LPO: variants seen among roughly 807,000 people sequenced by gnomAD.
The protein encoded by LPO is salivary peroxidase.
LPO carries 70 observed loss-of-function variants against 68.4 expected under a neutral mutation model. The observed-to-expected ratio is 1.02, with a 90% CI of 0.84 to 1.25. LPO has a LOEUF of 1.25. LPO is among the 50% of genes most tolerant of loss of function. The pLI, the probability that LPO is intolerant of heterozygous loss-of-function variation, is 0.00. For synonymous variants in LPO, 360 were observed against 357.6 expected (o/e 1.01, Z -0.08); for missense variants, 873 against 908.4 (o/e 0.96, Z 0.50).
chr17:58,255,141 T>C (rs1194931575), intron 9 of LPO, among the ~76,000 whole-genome samples, 170 bp downstream of exon 9: 2 of 152,172 alleles, frequency 1.3e-5, no homozygotes, highest in African/African-American at 4.8e-5. Flanking sequence ...ATCCCCTTCC[T>C]TTCATTTCTT....
chr17:58,261,974 T>C (rs145127837), intron 9 of LPO, among the ~76,000 whole-genome samples: 1 of 152,352 alleles, frequency 6.6e-6, no homozygotes, highest in East Asian at 1.9e-4. Context: ...TGAAATATAA[T>C]TGTCTGAAGC....
rs760259764 is a variant in LPO at position 58,254,977 on chromosome 17, G to A, written c.1266+6G>A. 3 of 1,613,236 alleles carry A rather than the reference G, an allele frequency of 1.9e-6. No homozygotes were observed. Among genetic ancestry groups the A allele is most frequent in the Non-Finnish European group, 2.5e-6 (3 of 1,179,508 alleles). Reference sequence around the variant, plus strand: ...TCCTGGGAGCCTTCGTGCAGGTAGGGAGTCCCAGGAGCACTGTCACCTGGT... The same window carrying A: ...TCCTGGGAGCCTTCGTGCAGGTAGGAAGTCCCAGGAGCACTGTCACCTGGT... On this transcript the variant is annotated splice_donor_region_variant and intron_variant, in intron 9 of 12. Coordinates refer to ENST00000262290, the MANE Select transcript of LPO (RefSeq NM_006151.3).
chr17:58,244,101 ACACAC>A lies in LPO; in HGVS notation c.164+21_164+25del. The A allele has an allele frequency of 2.5e-6, 3 of 1,220,290 alleles. No individual in the cohort carries two copies. The highest frequency in any genetic ancestry group is 3.5e-6 in the Non-Finnish European group (3 of 858,232). 75.6% of individuals were successfully genotyped at this position (1,220,290 alleles called of 1,614,324 possible). On this transcript the variant is annotated intron_variant, in intron 3 of 12. Coordinates refer to ENST00000262290, the MANE Select transcript of LPO (RefSeq NM_006151.3). Reference sequence around the variant, plus strand: ...AACCAGGTACGTGAGACACACACACACACACACACACACACACACACACACACACA... The same window carrying A: ...AACCAGGTACGTGAGACACACACACAACACACACACACACACACACACACA...
At chr17:58,250,739 C>A in intron 7 of LPO, 118 bp downstream of exon 7, 1 of 1,037,382 alleles carries the variant, frequency 9.6e-7, no homozygotes, top group South Asian at 1.5e-5. Flanking sequence ...TTGGTAGTTT[C>A]CCATGCCTCA....
chr17:58,255,060 C>T, intron 9 of LPO, 89 bp downstream of exon 9: 1 of 1,398,996 alleles, frequency 7.1e-7, no homozygotes, highest in Non-Finnish European at 9.8e-7. Flanking sequence ...CTCAGGCTCT[C>T]TCCTCTGTTC....
rs2143943872 is a variant in LPO at position 58,264,788 on chromosome 17, T to C, written c.1333T>C (p.Tyr445His). 1.2e-6 allele frequency: 2 copies of C among 1,614,220 alleles called. No homozygotes were observed. Among genetic ancestry groups the C allele is most frequent in the East Asian group, 2.2e-5 (1 of 44,886 alleles). ...CCACATGCAGAAGTGGATACCCCCA[T>C]ATCAAGGCTACAGTGAATCTGTGGA... The part of the protein sequence containing the change: ...GDHMQKWIPP[Y>H]QGYSESVDPR... Residue 445 changes from tyrosine to histidine, a missense_variant, in exon 10 of 13, where the codon TAT becomes CAT. By Grantham distance (83) the Tyr-to-His change is moderately conservative. Coordinates refer to ENST00000262290, the MANE Select transcript of LPO (RefSeq NM_006151.3).
At position 58,255,072 on chromosome 17, in the gene LPO, C is replaced by T. The variant is rs1292462007; in HGVS notation, c.1266+101C>T. The T allele has an allele frequency of 9.6e-6, 12 of 1,251,908 alleles. No individual in the cohort carries two copies. The Admixed American group carries it at 1.4e-4, about 14-fold the overall frequency. 77.5% of individuals were successfully genotyped at this position (1,251,908 alleles called of 1,614,324 possible). ...TGCCTCAGGCTCTCTCCTCTGTTCC[C>T]ACACCTCCGTTTCCCCCGGCCCCTC... is the stretch of plus-strand genomic sequence containing the variant. On this transcript the variant is annotated intron_variant, in intron 9 of 12. Transcript: ENST00000262290.
intron 9 of LPO, 105 bp downstream of exon 9, chr17:58,255,076 C>A: frequency 8.5e-7 from 1 of 1,174,436 alleles, no homozygotes; most frequent in Non-Finnish European, 1.2e-6. Flanking sequence ...TGTTCCCACA[C>A]CTCCGTTTCC....
At chr17:58,244,678 T>A (rs1286028366) in intron 3 of LPO, among the ~76,000 whole-genome samples, 2 of 152,204 alleles carry the variant, frequency 1.3e-5, no homozygotes, top group Non-Finnish European at 2.9e-5. Flanking sequence ...TCTGCCCACA[T>A]CAGTCAGACA....
intron 1 of LPO, among the ~76,000 whole-genome samples, chr17:58,242,266 A>G (rs1397878763): frequency 3.3e-5 from 5 of 152,242 alleles, no homozygotes; most frequent in Non-Finnish European, 7.3e-5. Flanking sequence ...GCTCATGGCA[A>G]AGAGGTTAAT....
intron 2 of LPO, 93 bp downstream of exon 2, chr17:58,243,148 T>C (rs966659722): frequency 9.5e-6 from 12 of 1,267,342 alleles, no homozygotes; most frequent in African/African-American, 4.4e-5. Flanking sequence ...TCTCTCACAG[T>C]ACGGGAGGAT....
intron 10 of LPO, among the ~76,000 whole-genome samples, chr17:58,265,333 G>A (rs1477413884): frequency 3.9e-5 from 6 of 152,044 alleles, no homozygotes; most frequent in African/African-American, 1.2e-4. Flanking sequence ...ACAGGGTTTG[G>A]TAAATAAATT....
Position 58,264,963 on chromosome 17 carries a change from T to C in LPO, c.1508T>C (p.Met503Thr). 6.2e-7 allele frequency: 1 copy of C among 1,614,164 alleles called. No individual in the cohort carries two copies. The highest frequency in any genetic ancestry group is 8.5e-7 in the Non-Finnish European group (1 of 1,179,984). The change falls in exon 10 of 13, where the codon ATG (methionine) becomes ACG (threonine). Residue 503 changes from methionine (M) to threonine (T), a missense_variant. Met to Thr is a moderately conservative substitution (Grantham distance 81, BLOSUM62 -1). Transcript: ENST00000262290. ...LHTLFFNTWR[M>T]VKDGGIDPLV... ...ACCCTCTTCTTCAACACTTGGAGGA[T>C]GGTCAAAGATGGTATGCCCTTTCAG...
At chr17:58,251,096 T>C in intron 7 of LPO, 1 of 166,414 alleles carries the variant, frequency 6.0e-6, no homozygotes, top group South Asian at 1.5e-4. Flanking sequence ...CTGGCCAACA[T>C]GGTGAAACCC....
chr17:58,246,288 A>G (rs562326839), intron 3 of LPO, among the ~76,000 whole-genome samples: 1 of 152,284 alleles, frequency 6.6e-6, no homozygotes, highest in African/African-American at 2.4e-5. Flanking sequence ...GTGTCGCCCC[A>G]GGGTAAGCCA....
At position 58,265,091 on chromosome 17, in the gene LPO, T is replaced by G. The variant is rs909712727; in HGVS notation, c.1519+117T>G. 1.1e-5 allele frequency: 14 copies of G among 1,304,360 alleles called. No homozygotes were observed. The African/African-American group carries it at 1.6e-4, about 15-fold the overall frequency. The allele number at this position is 1,304,360 out of a possible 1,614,324, so 80.8% of individuals were successfully genotyped here. On this transcript the variant is annotated intron_variant, in intron 10 of 12. Transcript: ENST00000262290. ...TTTTACATGACCTTGGGCAAATGAATTCACCTCACTGAGCCTCAGTTTCCT... is the reference window on the plus strand; with the variant it reads ...TTTTACATGACCTTGGGCAAATGAAGTCACCTCACTGAGCCTCAGTTTCCT...
At chr17:58,252,128 C>T in intron 7 of LPO, 54 bp from the exon 8 acceptor site, 2 of 1,556,422 alleles carry the variant, frequency 1.3e-6, no homozygotes, top group East Asian at 2.2e-5. Flanking sequence ...GAGAGGTTGC[C>T]AGGACCCAGC....
rs745966339 is a variant in LPO at position 58,252,492 on chromosome 17, C to T, written c.1091C>T (p.Pro364Leu). ...CEFINTTARVPCFLAGDSRAS... is the reference protein window; with the variant it reads ...CEFINTTARVLCFLAGDSRAS... ...TTCATCAACACCACTGCCCGTGTGC[C>T]CTGCTTCCTGGCAGGTGAGTCTAGC... Residue 364 changes from proline (P) to leucine (L), a missense_variant, in exon 8 of 13, where the codon CCC (proline) becomes CTC (leucine). By Grantham distance (98) the Pro-to-Leu change is moderately conservative (BLOSUM62 -3). Coordinates refer to ENST00000262290, the MANE Select transcript of LPO (RefSeq NM_006151.3). 3 of 1,611,160 alleles carry T rather than the reference C, an allele frequency of 1.9e-6. No individual in the cohort carries two copies. The highest frequency in any genetic ancestry group is 2.7e-5 in the African/African-American group (2 of 74,844).
intron 3 of LPO, among the ~76,000 whole-genome samples, chr17:58,244,910 G>T (rs1969825996): frequency 6.6e-6 from 1 of 152,212 alleles, no homozygotes; most frequent in Admixed American, 6.5e-5. Flanking sequence ...GGCAACGTGG[G>T]CGCCTTCCCT....
Sources: allele counts gnomAD v4.1 joint callset (sites outside exome capture counted in the v4.1 genomes callset), GRCh38; gene constraint gnomAD v4.1.1; transcripts MANE v1.5; gene names NCBI Gene and HGNC (gene_info 2026-07-23, HGNC 2026-07-21).